Variants in BCR observed in about 807,000 individuals in gnomAD.
BCR encodes BCR activator of RhoGEF and GTPase.
BCR carries 58 observed loss-of-function variants against 138.6 expected under a neutral mutation model. That is an observed-to-expected ratio of 0.42 (90% CI 0.34 to 0.52). The LOEUF (loss-of-function observed/expected upper bound fraction) is 0.52, where lower values mean the gene tolerates loss of function less well. Ranked by LOEUF, BCR falls within the 20% of genes least tolerant of loss-of-function variation. The pLI is 0.06. For missense variants in BCR, 1,599 were observed against 1,727.2 expected (o/e 0.93, Z 1.32); for synonymous variants, 786 against 730.1 (o/e 1.08, Z -1.23).
At chr22:23,242,144 TG>T (rs2085426528) in intron 1 of BCR, among the ~76,000 whole-genome samples, 1 of 152,208 alleles carries the variant, frequency 6.6e-6, no homozygotes, top group Non-Finnish European at 1.5e-5. Flanking sequence ...TCCAGACAAG[TG>T]GCCGAAGCAA....
chr22:23,304,924 G>C (rs749055196), intron 16 of BCR, among the ~76,000 whole-genome samples: 2 of 152,172 alleles, frequency 1.3e-5, no homozygotes, highest in African/African-American at 4.8e-5. Flanking sequence ...AGACCAGCCT[G>C]ACCAACATGG....
chr22:23,254,314 G>A (rs1490188449), intron 2 of BCR, among the ~76,000 whole-genome samples: 1 of 152,034 alleles, frequency 6.6e-6, no homozygotes, highest in Non-Finnish European at 1.5e-5. Context: ...TCTGGGCTTG[G>A]GTCCCTTTGC....
intron 1 of BCR, among the ~76,000 whole-genome samples, chr22:23,191,133 G>A (rs932448533): frequency 5.3e-5 from 8 of 152,074 alleles, no homozygotes; most frequent in African/African-American, 1.7e-4. Context: ...GTCTTGCTTT[G>A]TTGCCCAGGC....
At chr22:23,195,419 T>TAAA (rs2072466565) in intron 1 of BCR, among the ~76,000 whole-genome samples, 1 of 57,020 alleles carries the variant, frequency 1.8e-5, no homozygotes, top group East Asian at 5.9e-4. Context: ...AAACTCCGTC[T>TAAA]CAAAAAAAAA....
intron 5 of BCR, 44 bp from the exon 6 acceptor site, chr22:23,271,488 G>A: frequency 6.3e-7 from 1 of 1,598,964 alleles, no homozygotes; most frequent in Non-Finnish European, 8.6e-7. Flanking sequence ...CATCATCAAA[G>A]CTGCTTCTGT....
chr22:23,196,781 A>G (rs1199786876), intron 1 of BCR, among the ~76,000 whole-genome samples: 2 of 151,908 alleles, frequency 1.3e-5, no homozygotes, highest in Non-Finnish European at 2.9e-5. Flanking sequence ...TGCCGGCCTG[A>G]CAGGAGGTAG....
chr22:23,213,154 A>G (rs1317534224), intron 1 of BCR, among the ~76,000 whole-genome samples: 2 of 152,166 alleles, frequency 1.3e-5, no homozygotes, highest in Non-Finnish European at 2.9e-5. Flanking sequence ...CTCTCAGGAA[A>G]GCCTTCCCGG....
At chr22:23,248,348 CA>C (rs55944854) in intron 1 of BCR, among the ~76,000 whole-genome samples, 1,960 of 113,620 alleles carry the variant, frequency 0.017, 35 homozygotes, top group African/African-American at 0.043. Context: ...GACTCCATCT[CA>C]AAAAAAAAAA....
At chr22:23,208,476 AAC>A (rs2072643699) in intron 1 of BCR, among the ~76,000 whole-genome samples, 2 of 152,174 alleles carry the variant, frequency 1.3e-5, no homozygotes. Flanking sequence ...ATTTAAAAAT[AAC>A]ACAGTTCAGT....
intron 1 of BCR, among the ~76,000 whole-genome samples, chr22:23,233,826 A>G (rs570194660): frequency 2.0e-5 from 3 of 150,478 alleles, no homozygotes; most frequent in African/African-American, 7.3e-5. Flanking sequence ...AAAAAAAAAG[A>G]AGAACATGGT....
At chr22:23,252,509 C>T (rs1297004814) in intron 1 of BCR, among the ~76,000 whole-genome samples, 4 of 146,388 alleles carry the variant, frequency 2.7e-5, no homozygotes, top group Non-Finnish European at 5.9e-5. Context: ...TGGCTCACTG[C>T]AACCTCCACC....
intron 1 of BCR, among the ~76,000 whole-genome samples, chr22:23,227,563 A>G (rs1249742364): frequency 6.6e-6 from 1 of 152,232 alleles, no homozygotes; most frequent in African/African-American, 2.4e-5. Flanking sequence ...GGAAAGGAGA[A>G]ACATTTGTAA....
chr22:23,268,179 G>C (rs2073466391), intron 4 of BCR, among the ~76,000 whole-genome samples: 1 of 152,220 alleles, frequency 6.6e-6, no homozygotes, highest in African/African-American at 2.4e-5. Flanking sequence ...TACCTGCCTG[G>C]CGCCGTGAGT....
chr22:23,262,741 G>A (rs1338289701), intron 4 of BCR: 27 of 889,682 alleles, frequency 3.0e-5, no homozygotes, highest in East Asian at 2.4e-4. Context: ...GCGGAGAGGC[G>A]AAGAAGCTGC....
At chr22:23,263,253 T>C in intron 4 of BCR, 2 of 1,065,556 alleles carry the variant, frequency 1.9e-6, no homozygotes, top group African/African-American at 1.6e-5. Context: ...CATGTGCTCC[T>C]ACCTCGACAT....
At chr22:23,310,265 G>C (rs1298720049) in intron 17 of BCR, 59 bp from the exon 18 acceptor site, 2 of 848,570 alleles carry the variant, frequency 2.4e-6, no homozygotes, top group Non-Finnish European at 3.9e-6. Context: ...GGGTCCTTGG[G>C]ACCTTGGGCT....
At chr22:23,287,747 G>T (rs967141946) in intron 11 of BCR, among the ~76,000 whole-genome samples, 1 of 152,210 alleles carries the variant, frequency 6.6e-6, no homozygotes, top group Non-Finnish European at 1.5e-5. Flanking sequence ...TCACCTCTGG[G>T]CTAGTGTGGG....
At chr22:23,296,638 C>CT (rs1163631817) in intron 16 of BCR, among the ~76,000 whole-genome samples, 1 of 152,196 alleles carries the variant, frequency 6.6e-6, no homozygotes. Flanking sequence ...GCTCCCTATA[C>CT]TTTGAGATCA....
intron 16 of BCR, among the ~76,000 whole-genome samples, chr22:23,295,913 A>G (rs909592004): frequency 6.6e-6 from 1 of 152,058 alleles, no homozygotes. Context: ...ATAGTGCATT[A>G]TATCAGTGGG....
Sources: gnomAD v4.1 joint callset for allele counts (sites outside exome capture counted in the v4.1 genomes callset) on GRCh38, gnomAD v4.1.1 for gene constraint, MANE v1.5 for transcripts, NCBI Gene and HGNC (gene_info 2026-07-23, HGNC 2026-07-21) for gene names.